Variants in VPS54 observed in about 807,000 individuals in gnomAD.
VPS54 encodes VPS54 subunit of GARP complex.
In VPS54, 45 loss-of-function variants were observed where a neutral mutation model predicts 121.5. The observed-to-expected ratio is 0.37, with a 90% CI of 0.29 to 0.47. VPS54 has a LOEUF of 0.47. VPS54 is among the 20% of genes least tolerant of loss of function. The pLI, the probability that VPS54 is intolerant of heterozygous loss-of-function variation, is 0.99. For synonymous variants in VPS54, 371 were observed against 385.8 expected (o/e 0.96, Z 0.45); for missense variants, 1,090 against 1,131.4 (o/e 0.96, Z 0.52).
chr2:63,911,870 GCTGA>G (rs1673164246), intron 20 of VPS54, among the ~76,000 whole-genome samples: 1 of 152,148 alleles, frequency 6.6e-6, no homozygotes, highest in Admixed American at 6.5e-5. Context: ...CGTGATTGGG[GCTGA>G]CTAAATGATA....
chr2:63,974,517 T>C (rs1354879431), intron 3 of VPS54, among the ~76,000 whole-genome samples: 1 of 152,250 alleles, frequency 6.6e-6, no homozygotes, highest in Non-Finnish European at 1.5e-5. Flanking sequence ...TTGACTCTAT[T>C]GATCAAGTTG....
At chr2:63,994,370 A>C (rs1224249219) in intron 1 of VPS54, among the ~76,000 whole-genome samples, 2 of 152,120 alleles carry the variant, frequency 1.3e-5, no homozygotes, top group Non-Finnish European at 2.9e-5. Flanking sequence ...TACCGGCTAC[A>C]CAAAATTATT....
chr2:63,945,637 A>AT (rs1472745940), intron 9 of VPS54, among the ~76,000 whole-genome samples: 1 of 152,214 alleles, frequency 6.6e-6, no homozygotes, highest in East Asian at 1.9e-4. Flanking sequence ...AAAGCTGATT[A>AT]CAATTAGCCA....
At position 64,005,089 on chromosome 2, in the gene VPS54, C is replaced by CTTTTTTTTT. The variant is rs764515091; in HGVS notation, c.-21+13840_-21+13848dup. ...TACCATGCCCAGTCTACTATTGCTT[C>CTTTTTTTTT]TTTTTTTTTTTTTTTTTTTTTTTTT... is the stretch of plus-strand genomic sequence containing the variant. On this transcript the variant is annotated intron_variant, in intron 1 of 22. Transcript: ENST00000272322. Among the ~76,000 whole-genome samples the CTTTTTTTTT allele has an allele frequency of 9.3e-3, 411 of 44,106 alleles. 66 individuals carry two copies. The highest frequency in any genetic ancestry group is 0.011 in the African/African-American group (113 of 10,526). The allele number at this position is 44,106 out of a possible 152,430, so 28.9% of individuals were successfully genotyped here. A position where few individuals can be genotyped will look rare whatever the true frequency, so the allele number is the denominator to read the frequency against.
At position 63,917,409 on chromosome 2, in the gene VPS54, T is replaced by C. The variant is rs187207535; in HGVS notation, c.2165-446A>G. The stretch of plus-strand genomic sequence containing the variant: ...TTGGTTGTCTTTACTATTATCATTA[T>C]AGAATACAAGTTAATTTCTAAATTT... On this transcript the variant is annotated intron_variant, in intron 15 of 22. Coordinates refer to ENST00000272322, the MANE Select transcript of VPS54 (RefSeq NM_016516.3). Among the ~76,000 whole-genome samples the C allele has an allele frequency of 4.5e-3, 682 of 152,234 alleles. 4 individuals carry two copies. Among genetic ancestry groups the C allele is most frequent in the Admixed American group, 8.5e-3 (130 of 15,290 alleles).
At chr2:63,902,654 A>C (rs553616075) in intron 20 of VPS54, among the ~76,000 whole-genome samples, 1 of 152,182 alleles carries the variant, frequency 6.6e-6, no homozygotes. Flanking sequence ...AGATGTTGAA[A>C]CGATTAGAGG....
intron 12 of VPS54, among the ~76,000 whole-genome samples, chr2:63,922,140 C>G (rs1039690590): frequency 6.6e-6 from 1 of 152,128 alleles, no homozygotes; most frequent in Non-Finnish European, 1.5e-5. Context: ...TTTCAAGGAA[C>G]CTAAACTCAA....
intron 1 of VPS54, among the ~76,000 whole-genome samples, chr2:63,991,717 T>C (rs1022546728): frequency 6.6e-6 from 1 of 152,080 alleles, no homozygotes; most frequent in Admixed American, 6.5e-5. Flanking sequence ...ACCAGGGAAA[T>C]GGGAAGTGGG....
At position 64,019,022 on chromosome 2, in the gene VPS54, C is replaced by T. The variant is rs1678851144; in HGVS notation, c.-105G>A. On this transcript the variant is annotated 5_prime_UTR_variant, in exon 1 of 23. Transcript: ENST00000272322. ...CCTCCACGTCGCACCGAGGCTGCTG[C>T]TCCACGGCCGCCGCCGCCCGGCGCC... 1 of 151,302 alleles carries T rather than the reference C, an allele frequency of 6.6e-6. No homozygotes were observed. Among genetic ancestry groups the T allele is most frequent in the Non-Finnish European group, 1.5e-5 (1 of 67,654 alleles). 9.4% of individuals were successfully genotyped at this position (151,302 alleles called of 1,614,324 possible).
intron 3 of VPS54, 55 bp from the exon 4 acceptor site, chr2:63,972,299 G>A: frequency 7.5e-7 from 1 of 1,338,718 alleles, no homozygotes; most frequent in Non-Finnish European, 1.0e-6. Flanking sequence ...AGTATTCAAA[G>A]CATGAAAGTG....
rs148025350 is a variant in VPS54 at position 63,994,920 on chromosome 2, G to A, written c.-20-10901C>T. 5.9e-5 allele frequency among the ~76,000 whole-genome samples: 9 copies of A among 152,260 alleles called. No homozygotes were observed. The East Asian group carries it at 1.3e-3, about 23-fold the overall frequency. On this transcript the variant is annotated intron_variant, in intron 1 of 22. Coordinates refer to ENST00000272322, the MANE Select transcript of VPS54 (RefSeq NM_016516.3). ...TTCTGGTGGAAGGGAATGCCTGGAGGCTACTTATTTTATTTCTTATTGGGA... is the reference window on the plus strand; with the variant it reads ...TTCTGGTGGAAGGGAATGCCTGGAGACTACTTATTTTATTTCTTATTGGGA...
intron 2 of VPS54, among the ~76,000 whole-genome samples, chr2:63,983,504 C>A (rs1305817943): frequency 6.8e-6 from 1 of 147,502 alleles, no homozygotes; most frequent in Non-Finnish European, 1.5e-5. Flanking sequence ...GTGCAGTGGC[C>A]CGATCTCAGC....
intron 22 of VPS54, among the ~76,000 whole-genome samples, chr2:63,896,819 T>TC (rs1672462362): frequency 6.6e-6 from 1 of 152,046 alleles, no homozygotes; most frequent in African/African-American, 2.4e-5. Flanking sequence ...TAAAATCTCT[T>TC]CCCCATATCT....
intron 7 of VPS54, among the ~76,000 whole-genome samples, chr2:63,954,365 TATA>T (rs1363992478): frequency 6.6e-6 from 1 of 152,182 alleles, no homozygotes; most frequent in African/African-American, 2.4e-5. Context: ...TCCATGTATT[TATA>T]ATATCTTTAA....
intron 1 of VPS54, among the ~76,000 whole-genome samples, chr2:64,018,345 A>G (rs1300936381): frequency 1.3e-5 from 2 of 152,256 alleles, no homozygotes; most frequent in Admixed American, 1.3e-4. Context: ...ATAATTGGCA[A>G]GCCAAAGTTC....
intron 12 of VPS54, among the ~76,000 whole-genome samples, chr2:63,930,290 C>T (rs1674128332): frequency 6.6e-6 from 1 of 152,238 alleles, no homozygotes; most frequent in African/African-American, 2.4e-5. Flanking sequence ...CCGAATCCAG[C>T]AGCACATCGA....
Position 63,942,565 on chromosome 2 carries a change from GA to G in VPS54, c.1302-5del. The G allele has an allele frequency of 6.4e-7, 1 of 1,571,804 alleles. No individual in the cohort carries two copies. Among genetic ancestry groups the G allele is most frequent in the Non-Finnish European group, 8.6e-7 (1 of 1,157,174 alleles). On this transcript the variant is annotated splice_region_variant and splice_polypyrimidine_tract_variant and intron_variant, in intron 10 of 22. Transcript: ENST00000272322. ...CATTCTCATCTGATCTGCAAGCCTAGAAAAAAATAATTCAAACAAAAATAAT... is the reference window on the plus strand; with the variant it reads ...CATTCTCATCTGATCTGCAAGCCTAGAAAAAATAATTCAAACAAAAATAAT...
At chr2:63,974,706 T>C (rs1317157852) in intron 3 of VPS54, among the ~76,000 whole-genome samples, 2 of 152,134 alleles carry the variant, frequency 1.3e-5, no homozygotes, top group Non-Finnish European at 1.5e-5. Context: ...GTAAATGGCA[T>C]TGGGTTTTTA....
At chr2:63,921,550 CAG>C (rs1428045791) in intron 12 of VPS54, among the ~76,000 whole-genome samples, 1 of 152,076 alleles carries the variant, frequency 6.6e-6, no homozygotes, top group Non-Finnish European at 1.5e-5. Context: ...TGTTTTGAGA[CAG>C]GGTCTTGCTC....
Sources: allele counts gnomAD v4.1 joint callset (sites outside exome capture counted in the v4.1 genomes callset), GRCh38; gene constraint gnomAD v4.1.1; transcripts MANE v1.5; gene names NCBI Gene and HGNC (gene_info 2026-07-23, HGNC 2026-07-21).